Variants in SLC35F2 observed in about 807,000 individuals in gnomAD.
The protein encoded by SLC35F2 is solute carrier family 35 member F2, also known as queuine/queuosine transporter SLC35F2.
In SLC35F2, 25 loss-of-function variants were observed where a neutral mutation model predicts 38.1. The ratio of observed to expected loss-of-function variants is 0.66; its 90% CI spans 0.48 to 0.92. SLC35F2 has a LOEUF of 0.92. Ranked by LOEUF, SLC35F2 falls within the 40% of genes least tolerant of loss-of-function variation. The probability of loss-of-function intolerance (pLI) is 0.00; values close to 1 mark genes in which losing one functional copy is unlikely to be tolerated. For missense variants in SLC35F2, 409 were observed against 452.9 expected (o/e 0.90, Z 0.88); for synonymous variants, 173 against 181.7 (o/e 0.95, Z 0.38).
chr11:107,794,150 G>T (rs1239496445), intron 7 of SLC35F2, among the ~76,000 whole-genome samples: 4 of 148,670 alleles, frequency 2.7e-5, no homozygotes, highest in African/African-American at 5.0e-5. Context: ...GCGCAATCTT[G>T]GCTCACTGCA....
At chr11:107,800,283 T>TGC (rs1859287131) in intron 7 of SLC35F2, among the ~76,000 whole-genome samples, 1 of 150,986 alleles carries the variant, frequency 6.6e-6, no homozygotes, top group Non-Finnish European at 1.5e-5. Context: ...AGATAACAGC[T>TGC]GGTTCCTTCA....
chr11:107,828,394 A>G (rs1859787508), intron 1 of SLC35F2, among the ~76,000 whole-genome samples: 1 of 150,296 alleles, frequency 6.7e-6, no homozygotes, highest in Non-Finnish European at 1.5e-5. Context: ...AGATCGCACC[A>G]CTGCACTCCA....
At chr11:107,802,922 A>G in intron 7 of SLC35F2, 79 bp downstream of exon 7, 2 of 1,344,588 alleles carry the variant, frequency 1.5e-6, no homozygotes, top group Admixed American at 2.6e-5. Flanking sequence ...TTATTTTTTG[A>G]TCTAGAGTCT....
chr11:107,852,562 AAAAATAC>A (rs1260159447), intron 1 of SLC35F2, among the ~76,000 whole-genome samples: 2 of 151,070 alleles, frequency 1.3e-5, no homozygotes, highest in Admixed American at 6.6e-5. Context: ...AAAAAAAAAA[AAAAATAC>A]AAAATACAAA....
Position 107,858,769 on chromosome 11 carries a change from G to T in SLC35F2, c.-2C>A. 1 of 1,260,416 alleles carries T rather than the reference G, an allele frequency of 7.9e-7. No individual in the cohort carries two copies. The highest frequency in any genetic ancestry group is 1.0e-6 in the Non-Finnish European group (1 of 994,756). 78.1% of individuals were successfully genotyped at this position (1,260,416 alleles called of 1,614,324 possible). A position where few individuals can be genotyped will look rare whatever the true frequency, so the allele number is the denominator to read the frequency against. On this transcript the variant is annotated 5_prime_UTR_variant, in exon 1 of 8. Coordinates refer to ENST00000525815, the MANE Select transcript of SLC35F2 (RefSeq NM_017515.5). ...GCCCGCTGGCGAGTCTGCCTCCATC[G>T]GCGCCCTTGCGCGTCTCCGGCGCCC...
chr11:107,858,373 G>C (rs1270853471), intron 1 of SLC35F2: 3 of 264,322 alleles, frequency 1.1e-5, no homozygotes, highest in African/African-American at 2.3e-5. Context: ...CGCCCCAGAG[G>C]ACCGACCTAA....
chr11:107,844,963 G>A (rs1384673413), intron 1 of SLC35F2, among the ~76,000 whole-genome samples: 5 of 143,842 alleles, frequency 3.5e-5, no homozygotes, highest in East Asian at 2.0e-4. Context: ...GCAACAGAGC[G>A]AGACTCCATC....
At chr11:107,800,840 T>C (rs192116304) in intron 7 of SLC35F2, among the ~76,000 whole-genome samples, 35 of 151,360 alleles carry the variant, frequency 2.3e-4, no homozygotes, top group Admixed American at 1.5e-3. Flanking sequence ...CAAAGTATAA[T>C]CCAAAATCCT....
chr11:107,826,560 A>G (rs775083076), intron 1 of SLC35F2, among the ~76,000 whole-genome samples: 1 of 152,164 alleles, frequency 6.6e-6, no homozygotes, highest in African/African-American at 2.4e-5. Flanking sequence ...AAACTTTTTA[A>G]AAGTTGTGTA....
intron 3 of SLC35F2, among the ~76,000 whole-genome samples, chr11:107,808,006 G>C (rs1028000892): frequency 6.6e-6 from 1 of 152,218 alleles, no homozygotes; most frequent in Non-Finnish European, 1.5e-5. Context: ...GCGGTGAACA[G>C]GACAGAGCAA....
intron 7 of SLC35F2, among the ~76,000 whole-genome samples, chr11:107,795,018 G>A (rs1453392324): frequency 6.6e-6 from 1 of 152,068 alleles, no homozygotes; most frequent in African/African-American, 2.4e-5. Context: ...TATAAGGAAA[G>A]CTACAAAACC....
intron 1 of SLC35F2, among the ~76,000 whole-genome samples, chr11:107,844,816 T>C (rs532916533): frequency 6.7e-6 from 1 of 149,220 alleles, no homozygotes; most frequent in African/African-American, 2.5e-5. Context: ...CTACTAAAAA[T>C]ACAAAAAAAA....
At chr11:107,793,402 T>C (rs1859164746) in intron 7 of SLC35F2, among the ~76,000 whole-genome samples, 1 of 152,158 alleles carries the variant, frequency 6.6e-6, no homozygotes, top group Non-Finnish European at 1.5e-5. Context: ...CCACTCTGCA[T>C]ATAGTCCCAC....
intron 1 of SLC35F2, among the ~76,000 whole-genome samples, chr11:107,830,501 G>A (rs1316431150): frequency 2.7e-5 from 4 of 150,070 alleles, no homozygotes; most frequent in Non-Finnish European, 4.4e-5. Context: ...GGAGAATGGC[G>A]TGAACCTGGG....
intron 2 of SLC35F2, 106 bp downstream of exon 2, chr11:107,815,684 A>T: frequency 8.0e-7 from 1 of 1,257,286 alleles, no homozygotes; most frequent in South Asian, 1.5e-5. Context: ...AGAATTGTGC[A>T]TAAGTCTCCA....
At chr11:107,853,789 A>T (rs967347536) in intron 1 of SLC35F2, among the ~76,000 whole-genome samples, 3 of 151,804 alleles carry the variant, frequency 2.0e-5, no homozygotes, top group Non-Finnish European at 4.4e-5. Flanking sequence ...TACAAAAGGA[A>T]CATGATAAAA....
At chr11:107,805,747 A>C in intron 4 of SLC35F2, 6 of 763,340 alleles carry the variant, frequency 7.9e-6, no homozygotes, top group Non-Finnish European at 6.4e-6. Flanking sequence ...GCGCAATCTC[A>C]GCTCACTGCA....
At chr11:107,856,894 GGGAAGGAA>G (rs1329613419) in intron 1 of SLC35F2, among the ~76,000 whole-genome samples, 2 of 97,820 alleles carry the variant, frequency 2.0e-5, no homozygotes, top group Non-Finnish European at 2.2e-5. Flanking sequence ...AAGGGAGGGA[GGGAAGGAA>G]GGAAGGGAGG....
intron 1 of SLC35F2, among the ~76,000 whole-genome samples, chr11:107,829,065 G>T (rs953212005): frequency 6.7e-6 from 1 of 150,290 alleles, no homozygotes; most frequent in East Asian, 2.0e-4. Flanking sequence ...CCAAGATCAC[G>T]CCACTGCACT....
Sources: allele counts gnomAD v4.1 joint callset (sites outside exome capture counted in the v4.1 genomes callset), GRCh38; gene constraint gnomAD v4.1.1; transcripts MANE v1.5; gene names NCBI Gene and HGNC (gene_info 2026-07-23, HGNC 2026-07-21).